Variants in NHS observed in about 807,000 individuals in gnomAD.
The protein encoded by NHS is actin remodeling regulator NHS.
Under a neutral mutation model 72.5 loss-of-function variants are expected in NHS, and 5 were observed. The observed-to-expected ratio is 0.07, with a 90% confidence interval of 0.04 to 0.14. The LOEUF is 0.14. Among genes scored for constraint, NHS ranks in the 10% least tolerant of loss-of-function variants. NHS has a pLI of 1.00. For synonymous variants in NHS, 464 were observed against 547.7 expected (o/e 0.85, Z 2.13); for missense variants, 1,072 against 1,355.7 (o/e 0.79, Z 3.29).
intron 1 of NHS, among the ~76,000 whole-genome samples, chrX:17,643,722 T>C (rs2065892932): frequency 8.9e-6 from 1 of 112,300 alleles, no homozygotes; most frequent in South Asian, 3.7e-4. Flanking sequence ...AACTGATATA[T>C]TTATTACTAA....
At chrX:17,562,753 A>T (rs947974392) in intron 1 of NHS, among the ~76,000 whole-genome samples, 42 of 112,397 alleles carry the variant, frequency 3.7e-4, no homozygotes, top group Admixed American at 3.6e-3. Context: ...GGGATCCAAA[A>T]ATTAATTATA....
chrX:17,445,585 T>C (rs1047454821), intron 1 of NHS, among the ~76,000 whole-genome samples: 3 of 110,822 alleles, frequency 2.7e-5, no homozygotes, highest in Non-Finnish European at 3.8e-5. Flanking sequence ...TAAAACTGAA[T>C]CTTGTGGCAG....
At chrX:17,442,891 G>A (rs980742909) in intron 1 of NHS, among the ~76,000 whole-genome samples, 27 of 112,297 alleles carry the variant, frequency 2.4e-4, no homozygotes, top group African/African-American at 8.7e-4. Flanking sequence ...GTGGCCCTGA[G>A]AGCCCCTTCA....
At chrX:17,389,666 A>G (rs758940298) in intron 1 of NHS, among the ~76,000 whole-genome samples, 143 of 109,763 alleles carry the variant, frequency 1.3e-3, no homozygotes, top group Non-Finnish European at 2.4e-3. Flanking sequence ...CAGTGGTGCA[A>G]TCTCAGCTCA....
chrX:17,687,600 T>G, intron 1 of NHS, 142 bp from the exon 2 acceptor site: 313 of 740,950 alleles, frequency 4.2e-4, no homozygotes, highest in Non-Finnish European at 5.7e-4. Flanking sequence ...TCTCCGGCCT[T>G]GAGTTAGTTC....
chrX:17,632,686 G>A (rs1446433575), intron 1 of NHS, among the ~76,000 whole-genome samples: 1 of 111,621 alleles, frequency 9.0e-6, no homozygotes, highest in Non-Finnish European at 1.9e-5. Context: ...TTCTACATGT[G>A]TAAAATGGAA....
chrX:17,577,392 C>T (rs1429321268), intron 1 of NHS, among the ~76,000 whole-genome samples: 7 of 111,515 alleles, frequency 6.3e-5, no homozygotes, highest in Non-Finnish European at 1.3e-4. Context: ...TCTCGGGTTA[C>T]TGATAGTTTG....
Position 17,726,703 on chromosome X carries a change from A to G in NHS, c.2597A>G (p.Asp866Gly). ...TTGAGGAAGTCTGATGGAAACGCAG[A>G]TATTTCTGAGAAGAAAGAACCAAAG... is the stretch of plus-strand genomic sequence containing the variant. ...SSLRKSDGNA[D>G]ISEKKEPKIS... The change falls in exon 7 of 9, where the codon GAT becomes GGT. Residue 866 changes from aspartate to glycine, a missense_variant. Physicochemically the swap from Asp to Gly is moderately conservative, Grantham distance 94. Transcript: ENST00000676302. 8.3e-7 allele frequency: 1 copy of G among 1,212,049 alleles called. No individual in the cohort carries two copies. The highest frequency in any genetic ancestry group is 1.1e-6 in the Non-Finnish European group (1 of 895,612).
intron 1 of NHS, among the ~76,000 whole-genome samples, chrX:17,428,342 A>T (rs1255797324): frequency 2.7e-5 from 3 of 112,648 alleles, no homozygotes; most frequent in Non-Finnish European, 5.6e-5. Context: ...TAAGGCACAA[A>T]GCTGTGCTAT....
chrX:17,655,982 A>G lies in NHS; in HGVS notation c.566-31760A>G, dbSNP rs150369540. On this transcript the variant is annotated intron_variant, in intron 1 of 8. Transcript: ENST00000676302. Reference sequence around the variant, plus strand: ...CTCTCTTTTTGCATCTGAAGGAGAAACTAAGATAAAAGGAAAAGGAAGGGG... The same window carrying G: ...CTCTCTTTTTGCATCTGAAGGAGAAGCTAAGATAAAAGGAAAAGGAAGGGG... Among the ~76,000 whole-genome samples the G allele has an allele frequency of 9.7e-5, 3 of 30,899 alleles. No homozygotes were observed. The East Asian group carries it at 3.0e-3, about 31-fold the overall frequency. The allele number at this position is 30,899 out of a possible 115,157, so 26.8% of individuals were successfully genotyped here.
At chrX:17,612,383 C>G (rs1034054917) in intron 1 of NHS, among the ~76,000 whole-genome samples, 11 of 110,402 alleles carry the variant, frequency 1.0e-4, no homozygotes, top group Non-Finnish European at 1.9e-4. Flanking sequence ...TCCAAGACCC[C>G]CGAATCTCAG....
rs2066502605 is a variant in NHS at position 17,733,591 on chromosome X, C to T, written c.*1127C>T. ...GCATGCCACAGAGCTATTGATTAATCAGTAAGTACCTGTAATGAGTTTTCA... is the reference window on the plus strand; with the variant it reads ...GCATGCCACAGAGCTATTGATTAATTAGTAAGTACCTGTAATGAGTTTTCA... On this transcript the variant is annotated 3_prime_UTR_variant, in exon 9 of 9. Coordinates refer to ENST00000676302, the MANE Select transcript of NHS (RefSeq NM_001291867.2). The T allele has an allele frequency of 1.8e-5, 2 of 112,398 alleles. No homozygotes were observed. The highest frequency in any genetic ancestry group is 1.9e-4 in the Admixed American group (2 of 10,571). 9.3% of individuals were successfully genotyped at this position (112,398 alleles called of 1,213,427 possible).
chrX:17,724,326 T>C lies in NHS; in HGVS notation c.1136T>C (p.Ile379Thr). The C allele has an allele frequency of 8.3e-7, 1 of 1,211,780 alleles. No homozygotes were observed. Among genetic ancestry groups the C allele is most frequent in the Non-Finnish European group, 1.1e-6 (1 of 895,478 alleles). ...TGVGFDREAS[I>T]RCSLVHSQSV... ...GTTGGCTTTGACAGAGAGGCTAGTA[T>C]ACGCTGCTCTCTGGTTCATTCACAA... Residue 379 changes from isoleucine (I) to threonine (T), a missense_variant, in exon 6 of 9, where the codon ATA becomes ACA. Ile to Thr is a moderately conservative substitution (Grantham distance 89). Transcript: ENST00000676302.
chrX:17,607,477 T>C (rs2065686667), intron 1 of NHS, among the ~76,000 whole-genome samples: 1 of 111,549 alleles, frequency 9.0e-6, no homozygotes, highest in East Asian at 2.8e-4. Context: ...GGAAAATAAG[T>C]ACAAAAGTAA....
intron 1 of NHS, among the ~76,000 whole-genome samples, chrX:17,653,424 C>CT (rs767911933): frequency 1.5e-3 from 143 of 98,189 alleles, no homozygotes; most frequent in East Asian, 9.2e-3. Context: ...TTTTCTTTTT[C>CT]TTTTTTTTTT....
chrX:17,492,272 GTGC>G (rs1460112385), intron 1 of NHS, among the ~76,000 whole-genome samples: 2 of 112,221 alleles, frequency 1.8e-5, no homozygotes, highest in Non-Finnish European at 3.8e-5. Context: ...TGCACATTTA[GTGC>G]TATAAGTTTC....
chrX:17,471,215 CCTTT>C (rs1172209743), intron 1 of NHS, among the ~76,000 whole-genome samples: 2 of 112,232 alleles, frequency 1.8e-5, no homozygotes, highest in African/African-American at 6.5e-5. Context: ...TTATTCCATG[CCTTT>C]CTTCTTGTTC....
intron 3 of NHS, among the ~76,000 whole-genome samples, chrX:17,694,845 G>A (rs985395972): frequency 8.9e-6 from 1 of 111,879 alleles, no homozygotes; most frequent in Non-Finnish European, 1.9e-5. Context: ...AGGTCCAACC[G>A]TGTTTAAATC....
chrX:17,570,700 T>C (rs1029861640), intron 1 of NHS, among the ~76,000 whole-genome samples: 2 of 111,810 alleles, frequency 1.8e-5, no homozygotes, highest in Non-Finnish European at 3.8e-5. Context: ...GAACTTCCAA[T>C]ACTATGTTGA....
Sources: gnomAD v4.1 joint callset for allele counts (sites outside exome capture counted in the v4.1 genomes callset) on GRCh38, gnomAD v4.1.1 for gene constraint, MANE v1.5 for transcripts, NCBI Gene and HGNC (gene_info 2026-07-23, HGNC 2026-07-21) for gene names.